Variants in NUDCD1 observed in about 807,000 individuals in gnomAD.
NUDCD1 encodes NudC domain containing 1, also known as nudC domain-containing protein 1.
A neutral mutation model predicts 67.8 loss-of-function variants in NUDCD1; 60 were observed. The ratio of observed to expected loss-of-function variants is 0.88; its 90% CI spans 0.72 to 1.10. The LOEUF is 1.10. NUDCD1 is among the 50% of genes least tolerant of loss of function. NUDCD1 has a pLI of 0.00. For missense variants in NUDCD1, 643 were observed against 695.0 expected (o/e 0.93, Z 0.84); for synonymous variants, 244 against 230.8 (o/e 1.06, Z -0.52).
At chr8:109,295,468 C>T (rs1814821818) in intron 3 of NUDCD1, among the ~76,000 whole-genome samples, 1 of 152,130 alleles carries the variant, frequency 6.6e-6, no homozygotes, top group African/African-American at 2.4e-5. Context: ...TAGGCTACTG[C>T]TGTTCTGGTT....
At chr8:109,288,347 C>T (rs78665764) in intron 5 of NUDCD1, among the ~76,000 whole-genome samples, 3,129 of 152,160 alleles carry the variant, frequency 0.021, 108 homozygotes, top group African/African-American at 0.071. Flanking sequence ...TCTATTCCCT[C>T]GAGATTGCTT....
chr8:109,280,447 G>A (rs192546928), intron 6 of NUDCD1, among the ~76,000 whole-genome samples: 51 of 152,198 alleles, frequency 3.4e-4, no homozygotes, highest in African/African-American at 1.2e-3. Context: ...GCAGCTAGCC[G>A]CCAAAAGTAG....
At chr8:109,244,043 G>A (rs1813440326) in intron 9 of NUDCD1, among the ~76,000 whole-genome samples, 1 of 152,040 alleles carries the variant, frequency 6.6e-6, no homozygotes, top group African/African-American at 2.4e-5. Flanking sequence ...TTTAGATAGT[G>A]ACATGGTTAG....
At chr8:109,261,988 T>A (rs1368588805) in intron 8 of NUDCD1, among the ~76,000 whole-genome samples, 1 of 152,084 alleles carries the variant, frequency 6.6e-6, no homozygotes, top group Non-Finnish European at 1.5e-5. Flanking sequence ...CTGCATTACA[T>A]GGTGTTATGA....
At chr8:109,307,853 C>T (rs1815149064) in intron 2 of NUDCD1, among the ~76,000 whole-genome samples, 1 of 152,120 alleles carries the variant, frequency 6.6e-6, no homozygotes, top group African/African-American at 2.4e-5. Context: ...AACTTTAAAG[C>T]AACAGCAGTT....
intron 2 of NUDCD1, among the ~76,000 whole-genome samples, chr8:109,312,602 GTTTAT>G (rs1246828073): frequency 1.3e-5 from 2 of 152,060 alleles, no homozygotes; most frequent in Non-Finnish European, 2.9e-5. Context: ...TAACAAGTAT[GTTTAT>G]TTTAATAACG....
chr8:109,312,190 T>A (rs1304934940), intron 2 of NUDCD1, among the ~76,000 whole-genome samples: 6 of 150,042 alleles, frequency 4.0e-5, no homozygotes, highest in Non-Finnish European at 7.4e-5. Flanking sequence ...TAATCCCAGC[T>A]ACTCAGGAGG....
At chr8:109,261,175 G>A (rs1459579432) in intron 8 of NUDCD1, among the ~76,000 whole-genome samples, 4 of 152,080 alleles carry the variant, frequency 2.6e-5, no homozygotes, top group Non-Finnish European at 5.9e-5. Flanking sequence ...ATGACAGCAT[G>A]CAATATATTA....
At chr8:109,269,678 G>C (rs894651933) in intron 8 of NUDCD1, among the ~76,000 whole-genome samples, 1 of 151,998 alleles carries the variant, frequency 6.6e-6, no homozygotes, top group African/African-American at 2.4e-5. Flanking sequence ...TTTGAAACCT[G>C]TATCAAAGAC....
At chr8:109,284,170 C>T (rs187473669) in intron 5 of NUDCD1, among the ~76,000 whole-genome samples, 11 of 152,034 alleles carry the variant, frequency 7.2e-5, no homozygotes, top group African/African-American at 2.4e-4. Context: ...AGACTTTAAA[C>T]CAACAAAGGT....
intron 8 of NUDCD1, among the ~76,000 whole-genome samples, chr8:109,262,810 C>T (rs190784159): frequency 6.6e-6 from 1 of 152,098 alleles, no homozygotes; most frequent in Admixed American, 6.5e-5. Context: ...AATCCTAGCA[C>T]TTTGGGAGAC....
chr8:109,310,044 A>G (rs1815205879), intron 2 of NUDCD1, among the ~76,000 whole-genome samples: 1 of 152,176 alleles, frequency 6.6e-6, no homozygotes, highest in African/African-American at 2.4e-5. Flanking sequence ...GAAAATGACC[A>G]TACTGCCAAA....
chr8:109,272,227 A>G (rs549303918), intron 7 of NUDCD1, among the ~76,000 whole-genome samples: 139 of 152,162 alleles, frequency 9.1e-4, no homozygotes, highest in African/African-American at 3.3e-3. Context: ...TAATTTTAAT[A>G]GAATATAAAA....
intron 3 of NUDCD1, among the ~76,000 whole-genome samples, chr8:109,294,889 A>C (rs563367160): frequency 6.6e-6 from 1 of 151,958 alleles, no homozygotes. Context: ...TAATTACCCT[A>C]AAGTCCTAAA....
At position 109,241,794 on chromosome 8, in the gene NUDCD1, T is replaced by C; in HGVS notation, c.*1215A>G. 1 of 303,252 alleles carries C rather than the reference T, an allele frequency of 3.3e-6. No individual in the cohort carries two copies. Among genetic ancestry groups the C allele is most frequent in the East Asian group, 5.3e-5 (1 of 18,906 alleles). 18.8% of individuals were successfully genotyped at this position (303,252 alleles called of 1,614,324 possible). ...TTAGGAACAAAGCTTTTCTATCTTA[T>C]ATTTCTTATCTTAATCTTCTGCCTC... On this transcript the variant is annotated 3_prime_UTR_variant, in exon 10 of 10. Coordinates refer to ENST00000239690, the MANE Select transcript of NUDCD1 (RefSeq NM_032869.4).
chr8:109,328,874 C>G (rs1175600334), intron 1 of NUDCD1, among the ~76,000 whole-genome samples: 1 of 151,828 alleles, frequency 6.6e-6, no homozygotes, highest in Non-Finnish European at 1.5e-5. Context: ...ACCACATATG[C>G]AAAGAGGAAA....
At position 109,275,430 on chromosome 8, in the gene NUDCD1, T is replaced by C. The variant is rs1056212789; in HGVS notation, c.1095A>G (p.Lys365=). ...LTWPELVIGD[K]QGELIRDSAQ... The stretch of plus-strand genomic sequence containing the variant: ...CTGAATCTCTTATAAGTTCCCCTTG[T>C]TTATCTCCAATTACTAGCTCTGGCC... Residue 365 remains lysine, a synonymous_variant, in exon 7 of 10, where the codon AAA becomes AAG. Coordinates refer to ENST00000239690, the MANE Select transcript of NUDCD1 (RefSeq NM_032869.4). 5.0e-6 allele frequency: 8 copies of C among 1,613,672 alleles called. No individual in the cohort carries two copies. Among genetic ancestry groups the C allele is most frequent in the Non-Finnish European group, 6.8e-6 (8 of 1,179,730 alleles).
At chr8:109,285,980 A>G (rs1231982465) in intron 5 of NUDCD1, among the ~76,000 whole-genome samples, 1 of 152,148 alleles carries the variant, frequency 6.6e-6, no homozygotes, top group African/African-American at 2.4e-5. Flanking sequence ...TATGAAAATC[A>G]GTAGCATTTC....
intron 2 of NUDCD1, among the ~76,000 whole-genome samples, chr8:109,317,132 A>G (rs538083200): frequency 1.8e-4 from 28 of 152,352 alleles, no homozygotes; most frequent in African/African-American, 6.3e-4. Flanking sequence ...ATAAAAATAC[A>G]TATTACAAAA....
Sources: allele counts gnomAD v4.1 joint callset (sites outside exome capture counted in the v4.1 genomes callset), GRCh38; gene constraint gnomAD v4.1.1; transcripts MANE v1.5; gene names NCBI Gene and HGNC (gene_info 2026-07-23, HGNC 2026-07-21).